Variants in FCHO1 observed in about 807,000 individuals in gnomAD.
FCHO1 encodes the protein FCH and mu domain containing endocytic adaptor 1.
FCHO1 carries 45 observed loss-of-function variants against 114.4 expected under a neutral mutation model. The ratio of observed to expected loss-of-function variants is 0.39; its 90% CI spans 0.31 to 0.50. The LOEUF (loss-of-function observed/expected upper bound fraction) is 0.50. Among genes scored for constraint, FCHO1 ranks in the 20% least tolerant of loss-of-function variants. FCHO1 has a pLI of 0.77. For missense variants in FCHO1, 1,042 were observed against 1,209.6 expected, an observed-to-expected ratio of 0.86 and a Z score of 2.06; for synonymous variants, 480 against 488.9, an observed-to-expected ratio of 0.98 and a Z score of 0.24.
rs2092521219 is a variant in FCHO1 at position 17,775,622 on chromosome 19, G to A, written c.1003+109G>A. ...CCTCTCTGTGTACATCCTGGAGAGA[G>A]TCTCCTTTGTGGATGAAGCCAACCT... is the stretch of plus-strand genomic sequence containing the variant. On this transcript the variant is annotated intron_variant, in intron 15 of 28. Transcript: ENST00000596536. This position sits in a 1 kb window ranked among gnomAD's most constrained non-coding sequence, Gnocchi z 5.1. 9.2e-7 allele frequency: 1 copy of A among 1,085,864 alleles called. No individual in the cohort carries two copies. Among genetic ancestry groups the A allele is most frequent in the East Asian group, 2.4e-5 (1 of 41,534 alleles). 67.3% of individuals were successfully genotyped at this position (1,085,864 alleles called of 1,614,324 possible). A position where few individuals can be genotyped will look rare whatever the true frequency, so the allele number is the denominator to read the frequency against.
rs1273311392 is a variant in FCHO1, at chr19:17,784,109, C to G, written c.2100C>G (p.Pro700=). The part of the protein sequence containing the change: ...QPNADLLFSD[P]SQSDPETKDF... Reference sequence around the variant, plus strand: ...TCAGTCCGGGTCTCTGCAGTGACCCCTCCCAGAGTGACCCTGAGACCAAAG... The same window carrying G: ...TCAGTCCGGGTCTCTGCAGTGACCCGTCCCAGAGTGACCCTGAGACCAAAG... Residue 700 remains proline, a synonymous_variant, in exon 25 of 29, where the codon CCC becomes CCG. Transcript: ENST00000596536. This position sits in a 1 kb window ranked among gnomAD's most constrained non-coding sequence, Gnocchi z 5.3. 6.2e-7 allele frequency: 1 copy of G among 1,614,074 alleles called. No homozygotes were observed. The highest frequency in any genetic ancestry group is 8.5e-7 in the Non-Finnish European group (1 of 1,179,972).
chr19:17,748,030 A>T (rs2080966765), upstream of FCHO1, among the ~76,000 whole-genome samples: 1 of 152,080 alleles, frequency 6.6e-6, no homozygotes, highest in Admixed American at 6.5e-5. Flanking sequence ...CGCTCCCCAA[A>T]TCCCCCGTCT....
upstream of FCHO1, among the ~76,000 whole-genome samples, chr19:17,751,025 A>T (rs1458210792): frequency 6.6e-6 from 1 of 152,086 alleles, no homozygotes; most frequent in Non-Finnish European, 1.5e-5. The surrounding 1 kb of genome is among the most constrained non-coding windows in gnomAD (Gnocchi z 4.4). Context: ...TATTTTTAGT[A>T]GAGACGGGGT....
upstream of FCHO1, among the ~76,000 whole-genome samples, chr19:17,749,096 C>T (rs972520703): frequency 2.0e-5 from 3 of 152,062 alleles, no homozygotes; most frequent in African/African-American, 7.2e-5. Flanking sequence ...CCATTGGGGC[C>T]ACTTAGGGCA....
chr19:17,776,800 T>G lies in FCHO1; in HGVS notation c.1259+114T>G. 3 of 1,015,998 alleles carry G rather than the reference T, an allele frequency of 3.0e-6. No homozygotes were observed. The highest frequency in any genetic ancestry group is 1.5e-5 in the South Asian group (1 of 66,670). The allele number at this position is 1,015,998 out of a possible 1,614,324, so 62.9% of individuals were successfully genotyped here. A position where few individuals can be genotyped will look rare whatever the true frequency, so the allele number is the denominator to read the frequency against. ...GCTGGGAGTTGACGTCATGCTGGGG[T>G]TTTTTTGTTTTTGTTTTTGTTTTGA... On this transcript the variant is annotated intron_variant, in intron 18 of 28. Coordinates refer to ENST00000596536, the MANE Select transcript of FCHO1 (RefSeq NM_015122.3). The surrounding 1 kb of genome is among the most constrained non-coding windows in gnomAD (Gnocchi z 4.4).
chr19:17,781,862 T>A (rs759542641), intron 23 of FCHO1, 42 bp downstream of exon 23: 2 of 1,357,336 alleles, frequency 1.5e-6, no homozygotes, highest in South Asian at 2.7e-5. Flanking sequence ...GAAGTCTGTG[T>A]TGGGGGAGTC....
At chr19:17,783,960 C>A in intron 24 of FCHO1, 143 bp from the exon 25 acceptor site, 1 of 979,452 alleles carries the variant, frequency 1.0e-6, no homozygotes, top group East Asian at 2.5e-5. Flanking sequence ...CCTTTACTGC[C>A]CGCACCACAA....
intron 28 of FCHO1, 87 bp downstream of exon 28, chr19:17,787,933 G>A: frequency 6.9e-7 from 1 of 1,455,606 alleles, no homozygotes; most frequent in Non-Finnish European, 9.3e-7. Context: ...ATTGGGGTGT[G>A]GGGATCCTTG....
At chr19:17,762,898 C>A (rs764352908) in intron 5 of FCHO1, 45 bp downstream of exon 5, 15 of 1,340,772 alleles carry the variant, frequency 1.1e-5, no homozygotes, top group African/African-American at 1.4e-5. Context: ...GCCCACCATC[C>A]TGTAGTCACG....
rs771220404 is a variant in FCHO1, at chr19:17,754,690, C to A, written c.-48+9C>A. The A allele has an allele frequency of 1.2e-5, 2 of 164,726 alleles. No individual in the cohort carries two copies. Among genetic ancestry groups the A allele is most frequent in the Non-Finnish European group, 2.7e-5 (2 of 74,896 alleles). The allele number at this position is 164,726 out of a possible 1,614,324, so 10.2% of individuals were successfully genotyped here. On this transcript the variant is annotated intron_variant, in intron 3 of 28. Transcript: ENST00000596536. The stretch of plus-strand genomic sequence containing the variant: ...CTAGCTGTGTGATCTTGGCAAGTGA[C>A]TTCCCCTCTGGGGGAGGGGAGGGCT...
At chr19:17,764,304 G>A in intron 5 of FCHO1, 71 bp from the exon 6 acceptor site, 1 of 1,474,256 alleles carries the variant, frequency 6.8e-7, no homozygotes, top group South Asian at 1.1e-5. Flanking sequence ...GCCTCCCAGA[G>A]TGCTGGGATT....
Position 17,784,267 on chromosome 19 carries a change from G to A in FCHO1, c.2226+32G>A, listed in dbSNP as rs1360616421. On this transcript the variant is annotated intron_variant, in intron 25 of 28. Coordinates refer to ENST00000596536, the MANE Select transcript of FCHO1 (RefSeq NM_015122.3). The surrounding 1 kb of genome is among the most constrained non-coding windows in gnomAD (Gnocchi z 5.3). ...CACCCGCATGGGGCCGGGAGGAGGTGGTGGAGTGGGGGACACGGTGAGCCG... is the reference window on the plus strand; with the variant it reads ...CACCCGCATGGGGCCGGGAGGAGGTAGTGGAGTGGGGGACACGGTGAGCCG... 6.4e-7 allele frequency: 1 copy of A among 1,568,198 alleles called. No individual in the cohort carries two copies. The highest frequency in any genetic ancestry group is 2.1e-4 in the Middle Eastern group (1 of 4,836).
chr19:17,769,714 ATTATTTC>A (rs1401807854), intron 7 of FCHO1, among the ~76,000 whole-genome samples: 8 of 152,194 alleles, frequency 5.3e-5, no homozygotes, highest in Non-Finnish European at 8.8e-5. Flanking sequence ...CCATATGCGG[ATTATTTC>A]TAGAGAAGTA....
chr19:17,761,401 C>T (rs1363941276), intron 4 of FCHO1, among the ~76,000 whole-genome samples: 5 of 145,772 alleles, frequency 3.4e-5, no homozygotes, highest in African/African-American at 1.0e-4. Flanking sequence ...ATTTAACACA[C>T]TTTTTTTTTT....
At chr19:17,765,390 G>T (rs961407025) in intron 6 of FCHO1, among the ~76,000 whole-genome samples, 4 of 152,108 alleles carry the variant, frequency 2.6e-5, no homozygotes, top group African/African-American at 9.7e-5. Context: ...TGAACCTTGT[G>T]CCCGGGCGCG....
chr19:17,781,550 G>A lies in FCHO1; in HGVS notation c.1828+11G>A. 1.2e-6 allele frequency: 2 copies of A among 1,613,662 alleles called. No individual in the cohort carries two copies. Among genetic ancestry groups the A allele is most frequent in the Non-Finnish European group, 1.7e-6 (2 of 1,179,806 alleles). ...CCCAGACAGGACACGGTATGTGAGG[G>A]CGGTCCTGGGCCTGGCTTTGGGCCT... On this transcript the variant is annotated intron_variant, in intron 22 of 28. Transcript: ENST00000596536.
At chr19:17,766,584 G>A in intron 6 of FCHO1, 85 bp from the exon 7 acceptor site, 1 of 1,534,864 alleles carries the variant, frequency 6.5e-7, no homozygotes, top group Non-Finnish European at 8.9e-7. Flanking sequence ...GGCTCAGCGT[G>A]CAGCACATAC....
chr19:17,770,408 C>T lies in FCHO1; in HGVS notation c.337-17C>T, dbSNP rs764225257. The T allele has an allele frequency of 5.0e-6, 8 of 1,591,722 alleles. No individual in the cohort carries two copies. In the South Asian group the frequency reaches 6.7e-5, roughly 13 times the overall value. ...GAATTTCACAGTCTACCCATGAAATCCCCTCCTACCCCGCAGTGCAAGGAG... is the reference window on the plus strand; with the variant it reads ...GAATTTCACAGTCTACCCATGAAATTCCCTCCTACCCCGCAGTGCAAGGAG... On this transcript the variant is annotated splice_polypyrimidine_tract_variant and intron_variant, in intron 7 of 28. Transcript: ENST00000596536.
chr19:17,776,712 G>A lies in FCHO1; in HGVS notation c.1259+26G>A, dbSNP rs2092675556. The A allele has an allele frequency of 1.3e-5, 21 of 1,611,774 alleles. No homozygotes were observed. The highest frequency in any genetic ancestry group is 1.7e-5 in the Non-Finnish European group (20 of 1,178,618). ...GTGGGTTCCACACGAGTGGGCAGGT[G>A]GGGGCTGTCCCCACCTCCTCCCTCC... is the stretch of plus-strand genomic sequence containing the variant. On this transcript the variant is annotated intron_variant, in intron 18 of 28. Transcript: ENST00000596536. This position sits in a 1 kb window ranked among gnomAD's most constrained non-coding sequence, Gnocchi z 4.4.
Sources: allele counts gnomAD v4.1 joint callset (sites outside exome capture counted in the v4.1 genomes callset), GRCh38; gene constraint gnomAD v4.1.1; non-coding constraint Gnocchi (gnomAD v3.1); transcripts MANE v1.5; gene names NCBI Gene and HGNC (gene_info 2026-07-23, HGNC 2026-07-21).